The following ALMS1 variants were observed in gnomAD, a reference collection of about 807,000 sequenced individuals.
The protein encoded by ALMS1 is ALMS1 centrosome and basal body associated protein.
ALMS1 carries 271 observed loss-of-function variants against 352.2 expected under a neutral mutation model. The observed-to-expected ratio is 0.77, with a 90% CI of 0.70 to 0.85. The LOEUF is 0.85. Among genes scored for constraint, ALMS1 ranks in the 40% least tolerant of loss-of-function variants. The pLI is 0.00. For synonymous variants in ALMS1, 1,865 were observed against 1,761.2 expected (o/e 1.06, Z -1.48); for missense variants, 5,445 against 4,870.7 (o/e 1.12, Z -3.51).
intron 9 of ALMS1, among the ~76,000 whole-genome samples, chr2:73,472,017 T>A (rs1019325502): frequency 8.6e-5 from 13 of 151,992 alleles, no homozygotes; most frequent in African/African-American, 2.9e-4. Context: ...TTATTCCACC[T>A]TAAGGAAGTC....
chr2:73,544,231 C>T (rs1285319717), intron 12 of ALMS1, among the ~76,000 whole-genome samples: 1 of 152,082 alleles, frequency 6.6e-6, no homozygotes, highest in Non-Finnish European at 1.5e-5. Context: ...ATGGATGAAG[C>T]TGGAAACCAT....
intron 5 of ALMS1, 95 bp from the exon 6 acceptor site, chr2:73,426,358 A>G (rs982452884): frequency 2.5e-6 from 3 of 1,217,076 alleles, no homozygotes; most frequent in South Asian, 1.2e-5. Context: ...CATTGCTGAA[A>G]GCTGATATAG....
intron 9 of ALMS1, among the ~76,000 whole-genome samples, chr2:73,469,203 G>T (rs1233186287): frequency 5.3e-5 from 8 of 151,786 alleles, no homozygotes; most frequent in Non-Finnish European, 8.8e-5. Context: ...AAAAAACCAT[G>T]AAGTAAACTT....
chr2:73,452,652 C>T lies in ALMS1; in HGVS notation c.6125C>T (p.Thr2042Ile), dbSNP rs756560368. 16 of 1,613,988 alleles carry T rather than the reference C, an allele frequency of 9.9e-6. No homozygotes were observed. The South Asian group carries it at 1.8e-4, about 18-fold the overall frequency. ...GPNDQKTPSQ[T>I]AFHSSYSQTV... ...AATGACCAGAAGACTCCATCCCAGA[C>T]AGCTTTTCATAGTTCCTATTCTCAA... is the stretch of plus-strand genomic sequence containing the variant. Residue 2042 changes from threonine to isoleucine, a missense_variant, in exon 8 of 23, where the codon ACA becomes ATA. By Grantham distance (89) the Thr-to-Ile change is moderately conservative. Transcript: ENST00000613296.
At chr2:73,538,504 G>C (rs1674082479) in intron 12 of ALMS1, among the ~76,000 whole-genome samples, 1 of 152,150 alleles carries the variant, frequency 6.6e-6, no homozygotes. Context: ...GAGGTACTGG[G>C]TTCATCTCAC....
chr2:73,557,024 C>T (rs1674559863), intron 13 of ALMS1, among the ~76,000 whole-genome samples, 196 bp from the exon 14 acceptor site: 1 of 152,100 alleles, frequency 6.6e-6, no homozygotes, highest in African/African-American at 2.4e-5. Flanking sequence ...TTTATTTAAA[C>T]TGTTGTTGTA....
rs2103701334 is a variant in ALMS1, at chr2:73,419,167, C to T, written c.495C>T (p.Ser165=). ...WHCLPQEMDS[S]QTLDTSQTRF... ...GTCTTCCTCAAGAAATGGACTCTTC[C>T]CAAACCTTGGATACATCCCAGACTA... The change falls in exon 3 of 23, where the codon TCC becomes TCT. Residue 165 remains serine (S), a synonymous_variant. Coordinates refer to ENST00000613296, the MANE Select transcript of ALMS1 (RefSeq NM_001378454.1). The T allele has an allele frequency of 1.2e-6, 2 of 1,614,026 alleles. No individual in the cohort carries two copies.
In ALMS1 at chr2:73,558,994, A is replaced by C. The variant is rs1173455677; in HGVS notation, c.10236A>C (p.Ala3412=). Residue 3412 remains alanine, a synonymous_variant, in exon 15 of 23, where the codon GCA becomes GCC. Transcript: ENST00000613296. ...TAGATTCCAGTGCTGCTGCTGCTGC[A>C]GAGCACTCAGCTCAAGTAGGAGACC... The part of the protein sequence containing the change: ...DTADSSAAAA[A]EHSAQVGDPE... 6.2e-7 allele frequency: 1 copy of C among 1,614,034 alleles called. No homozygotes were observed. The highest frequency in any genetic ancestry group is 8.5e-7 in the Non-Finnish European group (1 of 1,179,942).
At chr2:73,601,030 G>A (rs1675673106) in intron 18 of ALMS1, 149 bp downstream of exon 18, 1 of 1,406,198 alleles carries the variant, frequency 7.1e-7, no homozygotes, top group Non-Finnish European at 9.7e-7. Flanking sequence ...CAGCATGGCA[G>A]TTACACAGTC....
At chr2:73,539,283 T>A (rs1299002449) in intron 12 of ALMS1, among the ~76,000 whole-genome samples, 1 of 151,968 alleles carries the variant, frequency 6.6e-6, no homozygotes, top group Non-Finnish European at 1.5e-5. Flanking sequence ...GGGTCTGGAG[T>A]GGACCTCCAG....
chr2:73,479,266 G>C (rs1406269433), intron 9 of ALMS1, among the ~76,000 whole-genome samples: 1 of 151,992 alleles, frequency 6.6e-6, no homozygotes, highest in Non-Finnish European at 1.5e-5. Flanking sequence ...CATAACTGTG[G>C]TGATATATCA....
At position 73,451,166 on chromosome 2, in the gene ALMS1, G is replaced by A. The variant is rs1340020798; in HGVS notation, c.4639G>A (p.Ala1547Thr). Residue 1547 changes from alanine to threonine, a missense_variant, in exon 8 of 23, where the codon GCT (alanine) becomes ACT (threonine). Physicochemically the swap from Ala to Thr is moderately conservative, Grantham distance 58 (BLOSUM62 0). Coordinates refer to ENST00000613296, the MANE Select transcript of ALMS1 (RefSeq NM_001378454.1). ...GCTAGGTAGTCAAATACCTGAAGAG[G>A]CTCTCAGAGTTTCTTCTGCTCCTGG... is the stretch of plus-strand genomic sequence containing the variant. Reference protein sequence around the residue: ...ALLGSQIPEEALRVSSAPGPA... With the variant: ...ALLGSQIPEETLRVSSAPGPA... 5.0e-6 allele frequency: 8 copies of A among 1,613,646 alleles called. No homozygotes were observed. Among genetic ancestry groups the A allele is most frequent in the Non-Finnish European group, 5.9e-6 (7 of 1,179,948 alleles).
At position 73,419,150 on chromosome 2, in the gene ALMS1, C is replaced by G; in HGVS notation, c.478C>G (p.Gln160Glu). 6.2e-7 allele frequency: 1 copy of G among 1,613,992 alleles called. No homozygotes were observed. Among genetic ancestry groups the G allele is most frequent in the Non-Finnish European group, 8.5e-7 (1 of 1,179,922 alleles). ...QKTESWHCLP[Q>E]EMDSSQTLDT... ...AACAGAATCTTGGCATTGTCTTCCT[C>G]AAGAAATGGACTCTTCCCAAACCTT... The change falls in exon 3 of 23, where the codon CAA becomes GAA. Residue 160 changes from glutamine (Q) to glutamate (E), a missense_variant. Physicochemically the swap from Gln to Glu is conservative, Grantham distance 29. Coordinates refer to ENST00000613296, the MANE Select transcript of ALMS1 (RefSeq NM_001378454.1).
chr2:73,521,580 CAAAAAAAAAAAA>C (rs565126393), intron 11 of ALMS1, among the ~76,000 whole-genome samples: 1 of 94,902 alleles, frequency 1.1e-5, no homozygotes, highest in African/African-American at 3.5e-5. Flanking sequence ...ACTAAAAATA[CAAAAAAAAAAAA>C]AAAAAAAAAT....
intron 10 of ALMS1, among the ~76,000 whole-genome samples, chr2:73,508,812 A>G (rs1310938064): frequency 6.6e-6 from 1 of 152,154 alleles, no homozygotes; most frequent in Non-Finnish European, 1.5e-5. Flanking sequence ...TCTAATATTG[A>G]CAATGGGGCT....
At chr2:73,395,852 T>C (rs559275174) in intron 1 of ALMS1, among the ~76,000 whole-genome samples, 2 of 152,302 alleles carry the variant, frequency 1.3e-5, no homozygotes, top group South Asian at 4.1e-4. Context: ...GTGTATATGC[T>C]TTTTTATTCC....
intron 7 of ALMS1, 113 bp from the exon 8 acceptor site, chr2:73,447,847 C>T: frequency 7.5e-6 from 10 of 1,333,690 alleles, no homozygotes; most frequent in South Asian, 3.6e-5. Context: ...TGGCTGTTTC[C>T]TTAGGATTCA....
At chr2:73,425,905 CTT>C (rs1671368053) in intron 5 of ALMS1, among the ~76,000 whole-genome samples, 1 of 152,130 alleles carries the variant, frequency 6.6e-6, no homozygotes, top group Non-Finnish European at 1.5e-5. Context: ...CATTAAGCCA[CTT>C]TGTGTTATTC....
At chr2:73,510,804 C>T (rs1673435221) in intron 10 of ALMS1, among the ~76,000 whole-genome samples, 1 of 152,200 alleles carries the variant, frequency 6.6e-6, no homozygotes, top group Non-Finnish European at 1.5e-5. Flanking sequence ...TCTGCTGAAG[C>T]TGTGCCCACA....
Sources: gnomAD v4.1 joint callset for allele counts (sites outside exome capture counted in the v4.1 genomes callset) on GRCh38, gnomAD v4.1.1 for gene constraint, MANE v1.5 for transcripts, NCBI Gene and HGNC (gene_info 2026-07-23, HGNC 2026-07-21) for gene names.